Variants in EXOSC9 observed in about 807,000 individuals in gnomAD.
The protein encoded by EXOSC9 is exosome complex component RRP45.
In EXOSC9, 38 loss-of-function variants were observed where a neutral mutation model predicts 56.5. That is an observed-to-expected ratio of 0.67 (90% CI 0.52 to 0.88). The LOEUF is 0.88. Ranked by LOEUF, EXOSC9 falls within the 40% of genes least tolerant of loss-of-function variation. EXOSC9 has a pLI of 0.00. For missense variants in EXOSC9, 559 were observed against 530.5 expected (o/e 1.05, Z -0.53); for synonymous variants, 170 against 170.8 (o/e 0.99, Z 0.04).
intron 6 of EXOSC9, among the ~76,000 whole-genome samples, chr4:121,809,288 CAT>C (rs1412943416): frequency 1.3e-5 from 2 of 151,988 alleles, no homozygotes; most frequent in African/African-American, 2.4e-5. Flanking sequence ...TGCCTGGCCT[CAT>C]ATGTGTAATT....
chr4:121,816,001 G>T (rs1724484718), intron 10 of EXOSC9: 1 of 1,227,672 alleles, frequency 8.1e-7, no homozygotes, highest in Non-Finnish European at 1.0e-6. Context: ...ATGGAGTCTT[G>T]CTCTGTCACC....
chr4:121,803,894 G>A (rs531973540), intron 4 of EXOSC9, among the ~76,000 whole-genome samples: 1 of 152,200 alleles, frequency 6.6e-6, no homozygotes, highest in South Asian at 2.1e-4. Flanking sequence ...AAGTCATTTA[G>A]CTTCCCATAT....
At chr4:121,801,567 C>T (rs1726865181) in intron 1 of EXOSC9, 77 bp downstream of exon 1, 7 of 1,394,594 alleles carry the variant, frequency 5.0e-6, no homozygotes, top group East Asian at 2.3e-5. Context: ...CCTGGCCCGC[C>T]TGGGCCCGGG....
In EXOSC9 at chr4:121,813,354, T is replaced by A. The variant is rs1310584646; in HGVS notation, c.948T>A (p.Ile316=). ...TAGAAGAAAAAGCAGAAGAAATCAT[T>A]GCTGAAGCAGAACCTCCTTCAGAAG... ...SDVEEKAEEI[I]AEAEPPSEVV... Residue 316 remains isoleucine, a synonymous_variant, in exon 9 of 12, where the codon ATT becomes ATA. Transcript: ENST00000243498. 1 of 1,613,462 alleles carries A rather than the reference T, an allele frequency of 6.2e-7. No individual in the cohort carries two copies. Among genetic ancestry groups the A allele is most frequent in the South Asian group, 1.1e-5 (1 of 91,020 alleles).
chr4:121,816,085 A>G (rs1206537200), intron 10 of EXOSC9: 1 of 681,356 alleles, frequency 1.5e-6, no homozygotes, highest in Non-Finnish European at 2.3e-6. Context: ...AGCCTCGAGT[A>G]GCTGGGCCTA....
At chr4:121,813,837 T>C (rs1263665248) in intron 9 of EXOSC9, 29 bp from the exon 10 acceptor site, 1 of 1,508,490 alleles carries the variant, frequency 6.6e-7, no homozygotes, top group East Asian at 2.3e-5. Context: ...AGCAATATTT[T>C]TGTTACTCAG....
chr4:121,815,828 C>T (rs1255743420), intron 10 of EXOSC9: 10 of 1,058,042 alleles, frequency 9.5e-6, no homozygotes, highest in African/African-American at 3.3e-5. Context: ...TTCCCCCTAG[C>T]TTTTCTATTA....
In EXOSC9 at chr4:121,801,821, T is replaced by C; in HGVS notation, c.67-6T>C. On this transcript the variant is annotated splice_polypyrimidine_tract_variant and splice_region_variant and intron_variant, in intron 1 of 11. Coordinates refer to ENST00000243498, the MANE Select transcript of EXOSC9 (RefSeq NM_005033.3). ...AATAAATTAATGAATGAATTTGTGC[T>C]TACAGCGGCTGGATGGCAGACAAAC... The C allele has an allele frequency of 6.2e-7, 1 of 1,609,514 alleles. No homozygotes were observed. Among genetic ancestry groups the C allele is most frequent in the South Asian group, 1.1e-5 (1 of 90,992 alleles).
Position 121,816,787 on chromosome 4 carries a change from T to C in EXOSC9, c.1251T>C (p.Ser417=). ...TTATTCACAGAACACAGACCACCAG[T>C]GCAAAACAAGAAAAAGCACCAAGTA... The part of the protein sequence containing the change: ...NPKKIRTQTT[S]AKQEKAPSKK... The change falls in exon 12 of 12, where the codon AGT becomes AGC. Residue 417 remains serine (S), a synonymous_variant. Transcript: ENST00000243498. 1 of 1,599,164 alleles carries C rather than the reference T, an allele frequency of 6.3e-7. No individual in the cohort carries two copies. The highest frequency in any genetic ancestry group is 8.5e-7 in the Non-Finnish European group (1 of 1,173,200).
chr4:121,813,452 A>G (rs995287442), intron 9 of EXOSC9, 72 bp downstream of exon 9: 21 of 1,345,614 alleles, frequency 1.6e-5, no homozygotes, highest in Non-Finnish European at 2.2e-5. Flanking sequence ...GGCTATATGA[A>G]GGATGTGTAT....
At chr4:121,815,957 G>T (rs1165478447) in intron 10 of EXOSC9, 15 of 1,236,264 alleles carry the variant, frequency 1.2e-5, no homozygotes, top group African/African-American at 1.6e-5. Flanking sequence ...AAAAGATTAA[G>T]CCTCCACCTA....
At chr4:121,804,522 C>A in intron 4 of EXOSC9, 100 bp from the exon 5 acceptor site, 1 of 767,916 alleles carries the variant, frequency 1.3e-6, no homozygotes, top group Non-Finnish European at 2.0e-6. Flanking sequence ...CGTGTTTTAA[C>A]AGCAAGAAAA....
At chr4:121,809,676 A>G (rs961546404) in intron 6 of EXOSC9, among the ~76,000 whole-genome samples, 1 of 152,244 alleles carries the variant, frequency 6.6e-6, no homozygotes, top group African/African-American at 2.4e-5. Flanking sequence ...GCCAGAAGTC[A>G]TTTAATCAAA....
At chr4:121,816,747 A>T (rs755932933) in intron 11 of EXOSC9, 25 bp from the exon 12 acceptor site, 1 of 1,557,378 alleles carries the variant, frequency 6.4e-7, no homozygotes, top group South Asian at 1.2e-5. Context: ...ACTCTTAGTA[A>T]ATTCTTACTT....
intron 4 of EXOSC9, 143 bp downstream of exon 4, chr4:121,803,160 C>A: frequency 3.3e-6 from 2 of 604,672 alleles, no homozygotes; most frequent in South Asian, 4.4e-5. Flanking sequence ...GAGTGATACC[C>A]TTAGAACTTT....
Position 121,801,377 on chromosome 4 carries a change from CG to C in EXOSC9, c.-47del. The C allele has an allele frequency of 2.6e-6, 4 of 1,564,870 alleles. No homozygotes were observed. The Middle Eastern group carries it at 6.7e-4, about 263-fold the overall frequency. On this transcript the variant is annotated 5_prime_UTR_variant, in exon 1 of 12. Transcript: ENST00000243498. ...CGGCGCGCAAGGAAAGATCGGGTTC[CG>C]TTTTTCCCGCGGATTCTGGTGCCTG...
At chr4:121,815,961 C>T (rs1368065018) in intron 10 of EXOSC9, 2 of 1,237,630 alleles carry the variant, frequency 1.6e-6, no homozygotes, top group South Asian at 3.9e-5. Flanking sequence ...GATTAAGCCT[C>T]CACCTAGAGT....
chr4:121,811,387 T>G (rs1014663477), intron 7 of EXOSC9, among the ~76,000 whole-genome samples, 196 bp from the exon 8 acceptor site: 1 of 152,252 alleles, frequency 6.6e-6, no homozygotes, highest in Admixed American at 6.5e-5. Context: ...TTTATGTCTG[T>G]TCCCTTGATG....
At chr4:121,815,012 T>C (rs543197831) in intron 10 of EXOSC9, 1 of 152,332 alleles carries the variant, frequency 6.6e-6, no homozygotes, top group Admixed American at 6.5e-5. Context: ...ATACTTCTGT[T>C]TTCAAAGAGA....
Sources: allele counts gnomAD v4.1 joint callset (sites outside exome capture counted in the v4.1 genomes callset), GRCh38; gene constraint gnomAD v4.1.1; transcripts MANE v1.5; gene names NCBI Gene and HGNC (gene_info 2026-07-23, HGNC 2026-07-21).